Variants in PTPRD observed in about 807,000 individuals in gnomAD.
PTPRD encodes receptor-type tyrosine-protein phosphatase delta.
In PTPRD, 34 loss-of-function variants were observed where a neutral mutation model predicts 214.5. The observed-to-expected ratio is 0.16, with a 90% confidence interval of 0.12 to 0.21. The LOEUF (loss-of-function observed/expected upper bound fraction) is 0.21, where lower values mean the gene tolerates loss of function less well. PTPRD is among the 10% of genes least tolerant of loss of function. The probability of loss-of-function intolerance (pLI) is 1.00; values close to 1 mark genes in which losing one functional copy is unlikely to be tolerated. For missense variants in PTPRD, 2,545 were observed against 2,398.7 expected (o/e 1.06, Z -1.27); for synonymous variants, 1,128 against 845.7 (o/e 1.33, Z -5.79).
chr9:9,008,390 G>A (rs960819391), intron 11 of PTPRD, among the ~76,000 whole-genome samples: 9 of 151,650 alleles, frequency 5.9e-5, no homozygotes, highest in East Asian at 2.0e-4. Context: ...ACCACACCCG[G>A]CTAATTTTTT....
At chr9:10,082,840 A>ACACACACAAAC (rs1555566891) in intron 3 of PTPRD, among the ~76,000 whole-genome samples, 258 of 128,284 alleles carry the variant, frequency 2.0e-3, no homozygotes, top group Middle Eastern at 8.0e-3. Context: ...CACACACACA[A>ACACACACAAAC]ACACACACAC....
intron 35 of PTPRD, among the ~76,000 whole-genome samples, chr9:8,413,147 T>C (rs182676794): frequency 1.1e-4 from 16 of 152,328 alleles, no homozygotes; most frequent in Non-Finnish European, 1.6e-4. Flanking sequence ...AAACATACGA[T>C]TTTTCTTCCT....
intron 8 of PTPRD, among the ~76,000 whole-genome samples, chr9:9,544,581 A>T (rs1468817009): frequency 6.6e-6 from 1 of 151,680 alleles, no homozygotes; most frequent in Non-Finnish European, 1.5e-5. Flanking sequence ...AACCACAAAG[A>T]ACATCAGTCA....
chr9:8,690,517 A>G (rs1369629603), intron 12 of PTPRD, among the ~76,000 whole-genome samples: 1 of 133,840 alleles, frequency 7.5e-6, no homozygotes, highest in African/African-American at 3.3e-5. Flanking sequence ...CGACAGAGCA[A>G]GACTCCGTCT....
At chr9:10,299,137 T>C (rs961170571) in intron 3 of PTPRD, among the ~76,000 whole-genome samples, 1 of 152,196 alleles carries the variant, frequency 6.6e-6, no homozygotes, top group African/African-American at 2.4e-5. Context: ...AAATGTAATA[T>C]ACATTTATAT....
At chr9:8,905,889 G>A (rs10815993) in intron 11 of PTPRD, among the ~76,000 whole-genome samples, 51,943 of 152,048 alleles carry the variant, frequency 0.34, 10,521 homozygotes, top group Non-Finnish European at 0.45. Context: ...TCATGTCTGT[G>A]TTGCTAACTT....
chr9:9,786,585 AC>A (rs2098926048), intron 5 of PTPRD, among the ~76,000 whole-genome samples: 1 of 152,176 alleles, frequency 6.6e-6, no homozygotes, highest in South Asian at 2.1e-4. Flanking sequence ...TAGAAGCAAG[AC>A]GAGGAGTACT....
chr9:9,236,171 TGAATC>T (rs1458196204), intron 9 of PTPRD, among the ~76,000 whole-genome samples: 1 of 152,052 alleles, frequency 6.6e-6, no homozygotes, highest in East Asian at 1.9e-4. Context: ...GAGAATTGCT[TGAATC>T]CAGGAGGTGG....
intron 3 of PTPRD, among the ~76,000 whole-genome samples, chr9:10,160,191 T>A (rs2099118953): frequency 6.6e-6 from 1 of 152,096 alleles, no homozygotes; most frequent in African/African-American, 2.4e-5. Flanking sequence ...GGAGCAGCTC[T>A]ACTTATATCA....
At chr9:10,023,020 TC>T (rs1422234527) in intron 4 of PTPRD, among the ~76,000 whole-genome samples, 1 of 152,324 alleles carries the variant, frequency 6.6e-6, no homozygotes, top group Admixed American at 6.5e-5. Flanking sequence ...ACGCATATAT[TC>T]TTTGTCCAAC....
chr9:8,708,306 T>C (rs1035297778), intron 12 of PTPRD, among the ~76,000 whole-genome samples: 3 of 152,206 alleles, frequency 2.0e-5, no homozygotes, highest in South Asian at 2.1e-4. Context: ...AGGGAACCCA[T>C]ACACGCTACT....
At chr9:8,565,410 A>G (rs563918982) in intron 14 of PTPRD, among the ~76,000 whole-genome samples, 6 of 152,340 alleles carry the variant, frequency 3.9e-5, no homozygotes, top group African/African-American at 1.4e-4. Context: ...AAAGGATAAC[A>G]TTCATTTGTT....
At chr9:9,694,186 G>A (rs1473727791) in intron 7 of PTPRD, among the ~76,000 whole-genome samples, 2 of 152,138 alleles carry the variant, frequency 1.3e-5, no homozygotes, top group African/African-American at 4.8e-5. Flanking sequence ...GCATTGAAGA[G>A]TTAGGTATTT....
chr9:9,302,581 T>C (rs996410884), intron 9 of PTPRD, among the ~76,000 whole-genome samples: 2 of 146,414 alleles, frequency 1.4e-5, no homozygotes, highest in African/African-American at 5.0e-5. Flanking sequence ...GACCACATCA[T>C]GTTTTGTAGT....
At chr9:10,189,188 T>G (rs2099351534) in intron 3 of PTPRD, among the ~76,000 whole-genome samples, 1 of 152,166 alleles carries the variant, frequency 6.6e-6, no homozygotes, top group Non-Finnish European at 1.5e-5. Flanking sequence ...CTTCTTTCTT[T>G]GGAATCCTAA....
At chr9:8,670,238 T>C (rs529757866) in intron 12 of PTPRD, among the ~76,000 whole-genome samples, 6 of 152,288 alleles carry the variant, frequency 3.9e-5, no homozygotes, top group South Asian at 2.1e-4. Flanking sequence ...TGTGGTACAT[T>C]AGATATTTAG....
intron 3 of PTPRD, among the ~76,000 whole-genome samples, chr9:10,195,913 C>A (rs2099396226): frequency 6.6e-6 from 1 of 152,058 alleles, no homozygotes; most frequent in Admixed American, 6.6e-5. Context: ...AAAACTATAA[C>A]TTGTATGATT....
intron 6 of PTPRD, among the ~76,000 whole-genome samples, chr9:9,744,415 T>C (rs2098437948): frequency 6.6e-6 from 1 of 152,146 alleles, no homozygotes; most frequent in Non-Finnish European, 1.5e-5. Context: ...TATTTTACTC[T>C]GCAAGACTGA....
chr9:8,998,292 G>A (rs2154352982), intron 11 of PTPRD, among the ~76,000 whole-genome samples: 1 of 152,086 alleles, frequency 6.6e-6, no homozygotes, highest in Middle Eastern at 3.4e-3. Flanking sequence ...ATCTTGTTAA[G>A]GACTAATGCA....
Sources: allele counts gnomAD v4.1 joint callset (sites outside exome capture counted in the v4.1 genomes callset), GRCh38; gene constraint gnomAD v4.1.1; transcripts MANE v1.5; gene names NCBI Gene and HGNC (gene_info 2026-07-23, HGNC 2026-07-21).